CACNA1G: variants seen among roughly 807,000 people sequenced by gnomAD.
The protein encoded by CACNA1G is voltage-dependent T-type calcium channel subunit alpha-1G.
In CACNA1G, 67 loss-of-function variants were observed where a neutral mutation model predicts 219.4. The ratio of observed to expected loss-of-function variants is 0.31; its 90% CI spans 0.25 to 0.37. CACNA1G has a LOEUF of 0.37. Among genes scored for constraint, CACNA1G ranks in the 10% least tolerant of loss-of-function variants. CACNA1G has a pLI of 1.00. For synonymous variants in CACNA1G, 1,296 were observed against 1,345.3 expected (o/e 0.96, Z 0.80); for missense variants, 2,380 against 3,231.4 (o/e 0.74, Z 6.39).
chr17:50,584,986 G>A lies in CACNA1G; in HGVS notation c.2302-5485G>A, dbSNP rs564575512. ...AGCACTTCCAGAGCCGCAGAGGAGAGGAGGAGGGCAAGGGCACTTACCTGG... is the reference window on the plus strand; with the variant it reads ...AGCACTTCCAGAGCCGCAGAGGAGAAGAGGAGGGCAAGGGCACTTACCTGG... On this transcript the variant is annotated intron_variant, in intron 9 of 37. Transcript: ENST00000359106. Among the ~76,000 whole-genome samples the A allele has an allele frequency of 4.1e-4, 62 of 152,284 alleles. 1 individual carries two copies. The highest frequency in any genetic ancestry group is 7.8e-4 in the Admixed American group (12 of 15,302).
chr17:50,621,531 C>T lies in CACNA1G; in HGVS notation c.5926-129C>T, dbSNP rs1025732521. The T allele has an allele frequency of 1.1e-5, 12 of 1,049,132 alleles. No homozygotes were observed. Among genetic ancestry groups the T allele is most frequent in the Non-Finnish European group, 1.7e-5 (12 of 724,560 alleles). The allele number at this position is 1,049,132 out of a possible 1,614,324, so 65.0% of individuals were successfully genotyped here. On this transcript the variant is annotated intron_variant, in intron 34 of 37. Transcript: ENST00000359106. This position sits in a 1 kb window ranked among gnomAD's most constrained non-coding sequence, Gnocchi z 4.6. ...AAGGGTGGGGAGAGAGAAGGGATGC[C>T]TTTTTCCCGCCCCCCTGTGCTTCGT...
chr17:50,599,877 A>G lies in CACNA1G; in HGVS notation c.3690+18A>G, dbSNP rs757198660. On this transcript the variant is annotated intron_variant, in intron 17 of 37. Transcript: ENST00000359106. Reference sequence around the variant, plus strand: ...GCAACCTGGTGAGGCCCCTGTGGGCACAGTGACCCCTCACCCCTGACCTTG... The same window carrying G: ...GCAACCTGGTGAGGCCCCTGTGGGCGCAGTGACCCCTCACCCCTGACCTTG... The G allele has an allele frequency of 2.5e-6, 4 of 1,598,466 alleles. No homozygotes were observed. In the Admixed American group the frequency reaches 6.7e-5, roughly 27 times the overall value.
intron 9 of CACNA1G, among the ~76,000 whole-genome samples, chr17:50,581,310 G>A (rs2041909603): frequency 6.6e-6 from 1 of 151,980 alleles, no homozygotes; most frequent in Non-Finnish European, 1.5e-5. Flanking sequence ...GACTCCCCTG[G>A]AGCTGGCTGC....
rs943675625 is a variant in CACNA1G at position 50,596,007 on chromosome 17, C to T, written c.2980-555C>T. On this transcript the variant is annotated intron_variant, in intron 14 of 37. Coordinates refer to ENST00000359106, the MANE Select transcript of CACNA1G (RefSeq NM_018896.5). The surrounding 1 kb of genome is among the most constrained non-coding windows in gnomAD (Gnocchi z 4.8). Reference sequence around the variant, plus strand: ...GACAGGGAGAGAGGTAAAAATGGGGCCAGGGAGGGGGCCGGGACTTGGGGA... The same window carrying T: ...GACAGGGAGAGAGGTAAAAATGGGGTCAGGGAGGGGGCCGGGACTTGGGGA... 3.3e-5 allele frequency among the ~76,000 whole-genome samples: 5 copies of T among 152,076 alleles called. No homozygotes were observed. The highest frequency in any genetic ancestry group is 3.3e-4 in the Admixed American group (5 of 15,270).
chr17:50,595,086 A>G (rs775993504), intron 14 of CACNA1G, 25 bp downstream of exon 14: 5 of 1,542,860 alleles, frequency 3.2e-6, no homozygotes, highest in Non-Finnish European at 1.8e-6. Context: ...ATGAGCCGGC[A>G]TGCCTCCCGT....
chr17:50,566,850 G>A (rs894240832), intron 1 of CACNA1G, among the ~76,000 whole-genome samples: 2 of 152,194 alleles, frequency 1.3e-5, no homozygotes, highest in Non-Finnish European at 2.9e-5. Context: ...AGGGGAGGTC[G>A]ACAAGTGCAC....
intron 25 of CACNA1G, among the ~76,000 whole-genome samples, chr17:50,609,290 G>C (rs968710059): frequency 5.3e-5 from 8 of 152,130 alleles, no homozygotes; most frequent in African/African-American, 1.9e-4. Context: ...TCCAGGATGT[G>C]GGGGAGACAC....
At position 50,623,891 on chromosome 17, in the gene CACNA1G, C is replaced by T; in HGVS notation, c.6061-16C>T. 1 of 1,602,628 alleles carries T rather than the reference C, an allele frequency of 6.2e-7. No homozygotes were observed. The highest frequency in any genetic ancestry group is 8.5e-7 in the Non-Finnish European group (1 of 1,171,218). On this transcript the variant is annotated splice_polypyrimidine_tract_variant and intron_variant, in intron 35 of 37. Transcript: ENST00000359106. ...ACACCCTCTTCCTCCACCTCCCTCC[C>T]CTGTTCCTTTTGCAGATGCAGCCCC...
rs2051935958 is a variant in CACNA1G, at chr17:50,621,298, T to C, written c.5926-362T>C. 6.7e-6 allele frequency among the ~76,000 whole-genome samples: 1 copy of C among 149,206 alleles called. No homozygotes were observed. The highest frequency in any genetic ancestry group is 2.5e-5 in the African/African-American group (1 of 40,210). On this transcript the variant is annotated intron_variant, in intron 34 of 37. Transcript: ENST00000359106. The surrounding 1 kb of genome is among the most constrained non-coding windows in gnomAD (Gnocchi z 4.6). ...TTTTTTGGTATCATCTTTTTGAGAG[T>C]CGCAAGCCCTCGGTCCTCCCGCTCC...
At position 50,590,575 on chromosome 17, in the gene CACNA1G, C is replaced by T; in HGVS notation, c.2406C>T (p.Tyr802=). The T allele has an allele frequency of 2.5e-6, 4 of 1,613,958 alleles. No individual in the cohort carries two copies. Among genetic ancestry groups the T allele is most frequent in the South Asian group, 2.2e-5 (2 of 91,080 alleles). The change falls in exon 10 of 38, where the codon TAC becomes TAT. Residue 802 remains tyrosine (Y), a synonymous_variant. Coordinates refer to ENST00000359106, the MANE Select transcript of CACNA1G (RefSeq NM_018896.5). ...LKLLVYGPFG[Y]IKNPYNIFDG... ...TGCTTGTGTATGGTCCCTTTGGCTA[C>T]ATCAAGAATCCCTACAACATCTTCG...
At chr17:50,607,366 T>C in intron 24 of CACNA1G, 1 of 362,990 alleles carries the variant, frequency 2.8e-6, no homozygotes. Flanking sequence ...ATTAGCCGGG[T>C]GTGGTGGTAT....
intron 1 of CACNA1G, 118 bp from the exon 2 acceptor site, chr17:50,568,749 GCAC>G (rs2038606631): frequency 6.6e-6 from 5 of 761,346 alleles, no homozygotes; most frequent in Non-Finnish European, 1.1e-5. Context: ...CAGGGCCCTG[GCAC>G]CACACCTGCT....
Position 50,578,665 on chromosome 17 carries a change from T to C in CACNA1G, c.2301+101T>C. 2 of 1,218,272 alleles carry C rather than the reference T, an allele frequency of 1.6e-6. No homozygotes were observed. The highest frequency in any genetic ancestry group is 3.3e-5 in the South Asian group (2 of 60,658). The allele number at this position is 1,218,272 out of a possible 1,614,324, so 75.5% of individuals were successfully genotyped here. On this transcript the variant is annotated intron_variant, in intron 9 of 37. Transcript: ENST00000359106. The surrounding 1 kb of genome is among the most constrained non-coding windows in gnomAD (Gnocchi z 4.5). Reference sequence around the variant, plus strand: ...ACCCCTCCTCCTGAGCTCAGCTTCCTCTCCATGCTGCTAGCCCACCTGGCA... The same window carrying C: ...ACCCCTCCTCCTGAGCTCAGCTTCCCCTCCATGCTGCTAGCCCACCTGGCA...
chr17:50,583,661 G>A (rs534810841), intron 9 of CACNA1G, among the ~76,000 whole-genome samples: 115 of 151,666 alleles, frequency 7.6e-4, no homozygotes, highest in African/African-American at 2.6e-3. Flanking sequence ...TTGGGTGGTG[G>A]GGGTGGGGGG....
rs543384366 is a variant in CACNA1G, at chr17:50,610,742, T to A, written c.4759+807T>A. Among the ~76,000 whole-genome samples, 365 of 152,318 alleles carry A rather than the reference T, an allele frequency of 2.4e-3. 3 individuals are homozygous for A. Among genetic ancestry groups the A allele is most frequent in the African/African-American group, 8.6e-3 (357 of 41,550 alleles). On this transcript the variant is annotated intron_variant, in intron 26 of 37. Coordinates refer to ENST00000359106, the MANE Select transcript of CACNA1G (RefSeq NM_018896.5). ...TCATCTCCTCCAACAGACTTCACAC[T>A]TTAGAAGGCTGTCTATGAAGTTAAG... is the stretch of plus-strand genomic sequence containing the variant.
chr17:50,605,794 C>G, intron 22 of CACNA1G, 104 bp from the exon 23 acceptor site: 1 of 1,279,170 alleles, frequency 7.8e-7, no homozygotes, highest in Non-Finnish European at 1.1e-6. Flanking sequence ...GCACCCCACA[C>G]TCACTCAAAA....
chr17:50,592,246 G>A (rs1376373475), intron 13 of CACNA1G, among the ~76,000 whole-genome samples, 154 bp downstream of exon 13: 6 of 152,166 alleles, frequency 3.9e-5, no homozygotes, highest in Admixed American at 1.3e-4. Flanking sequence ...GGACCAGGGC[G>A]GGAGGCTCCA....
In CACNA1G at chr17:50,609,872, G is replaced by C; in HGVS notation, c.4706-10G>C. On this transcript the variant is annotated splice_polypyrimidine_tract_variant and intron_variant, in intron 25 of 37. Coordinates refer to ENST00000359106, the MANE Select transcript of CACNA1G (RefSeq NM_018896.5). ...CGGCCAGTGACCAATGTCGTGTTTC[G>C]TTCTTTTAGATCTAATGCTGGACGA... The C allele has an allele frequency of 6.2e-7, 1 of 1,610,866 alleles. No individual in the cohort carries two copies. Among genetic ancestry groups the C allele is most frequent in the Non-Finnish European group, 8.5e-7 (1 of 1,179,666 alleles).
chr17:50,596,644 C>A lies in CACNA1G; in HGVS notation c.3062C>A (p.Ala1021Asp), dbSNP rs745410924. The A allele has an allele frequency of 1.2e-6, 2 of 1,613,740 alleles. No individual in the cohort carries two copies. Among genetic ancestry groups the A allele is most frequent in the Non-Finnish European group, 1.7e-6 (2 of 1,179,786 alleles). Residue 1021 changes from alanine (A) to aspartate (D), a missense_variant and splice_region_variant, in exon 15 of 38, where the codon GCC becomes GAC. Coordinates refer to ENST00000359106, the MANE Select transcript of CACNA1G (RefSeq NM_018896.5). This position sits in a 1 kb window ranked among gnomAD's most constrained non-coding sequence, Gnocchi z 4.8. ...DGDGDRKKCL[A>D]LVSLGEHPEL... The stretch of plus-strand genomic sequence containing the variant: ...GATGGGGACAGGAAGAAGTGCTTGG[C>A]CTGTGAGTACCTATCCTGGGGTGCG...
Sources: allele counts gnomAD v4.1 joint callset (sites outside exome capture counted in the v4.1 genomes callset), GRCh38; gene constraint gnomAD v4.1.1; non-coding constraint Gnocchi (gnomAD v3.1); transcripts MANE v1.5; gene names NCBI Gene and HGNC (gene_info 2026-07-23, HGNC 2026-07-21).